Variants in TTC5 observed in about 807,000 individuals in gnomAD.
The protein encoded by TTC5 is tetratricopeptide repeat domain 5, also known as tetratricopeptide repeat protein 5.
A neutral mutation model predicts 57.4 loss-of-function variants in TTC5; 46 were observed. The ratio of observed to expected loss-of-function variants is 0.80; its 90% CI spans 0.63 to 1.03. The LOEUF is 1.03. Ranked by LOEUF, TTC5 falls within the 50% of genes least tolerant of loss-of-function variation. TTC5 has a pLI of 0.00. For missense variants in TTC5, 504 were observed against 528.1 expected (o/e 0.95, Z 0.45); for synonymous variants, 190 against 203.5 (o/e 0.93, Z 0.57).
chr14:20,296,509 A>G, intron 5 of TTC5, 63 bp from the exon 6 acceptor site: 2 of 1,250,434 alleles, frequency 1.6e-6, no homozygotes. Flanking sequence ...GACATGCCCA[A>G]CATGTCCTAC....
chr14:20,305,536 A>G (rs1198590614), intron 1 of TTC5: 1 of 293,086 alleles, frequency 3.4e-6, no homozygotes, highest in Non-Finnish European at 6.4e-6. Flanking sequence ...TGTAGGGATC[A>G]AAACAACATG....
At position 20,287,421 on chromosome 14, in the gene TTC5, A is replaced by G. The variant is rs955650320; in HGVS notation, c.*2206T>C. On this transcript the variant is annotated 3_prime_UTR_variant, in exon 10 of 10. Coordinates refer to ENST00000258821, the MANE Select transcript of TTC5 (RefSeq NM_138376.3). ...GTAGTGCTTTGGTAGTAAAAAAAGA[A>G]AAACTGGAAACCCAAATATCCTTTA... is the stretch of plus-strand genomic sequence containing the variant. 6.6e-6 allele frequency: 1 copy of G among 152,242 alleles called. No homozygotes were observed. The highest frequency in any genetic ancestry group is 1.5e-5 in the Non-Finnish European group (1 of 68,042). 9.4% of individuals were successfully genotyped at this position (152,242 alleles called of 1,614,324 possible).
chr14:20,296,521 C>A (rs750549649), intron 5 of TTC5, 75 bp from the exon 6 acceptor site: 14 of 1,143,746 alleles, frequency 1.2e-5, no homozygotes, highest in Non-Finnish European at 1.9e-5. Context: ...ATGTCCTACG[C>A]CTCCTCTTTC....
rs568606467 is a variant in TTC5 at position 20,289,414 on chromosome 14, T to G, written c.*213A>C. ...AGAGCAGTGGAAGAGACAGGAGAGA[T>G]ATGCCAGAAGAGTATGTGGCCCTGT... On this transcript the variant is annotated 3_prime_UTR_variant, in exon 10 of 10. Transcript: ENST00000258821. The G allele has an allele frequency of 3.0e-4, 128 of 429,712 alleles. No homozygotes were observed. Among genetic ancestry groups the G allele is most frequent in the African/African-American group, 2.0e-3 (101 of 51,226 alleles). The allele number at this position is 429,712 out of a possible 1,614,324, so 26.6% of individuals were successfully genotyped here.
In TTC5 at chr14:20,298,825, T is replaced by C; in HGVS notation, c.611A>G (p.Gln204Arg). ...TTGGGCATAGGCACTGAGGGCTTGC[T>C]GGGAGATCTTAGGGTTCTGGCCAGT... is the stretch of plus-strand genomic sequence containing the variant. Reference protein sequence around the residue: ...FSTGQNPKISQQALSAYAQAE... With the variant: ...FSTGQNPKISRQALSAYAQAE... The change falls in exon 5 of 10, where the codon CAG (glutamine) becomes CGG (arginine). Residue 204 changes from glutamine to arginine, a missense_variant. Coordinates refer to ENST00000258821, the MANE Select transcript of TTC5 (RefSeq NM_138376.3). 2 of 1,614,024 alleles carry C rather than the reference T, an allele frequency of 1.2e-6. No individual in the cohort carries two copies. The highest frequency in any genetic ancestry group is 1.7e-6 in the Non-Finnish European group (2 of 1,179,870).
At chr14:20,300,867 C>T (rs753802597) in intron 2 of TTC5, 49 bp from the exon 3 acceptor site, 5 of 1,452,810 alleles carry the variant, frequency 3.4e-6, no homozygotes, top group Non-Finnish European at 4.7e-6. Flanking sequence ...AGTTAAAGAC[C>T]AGGGCACTTT....
rs370388161 is a variant in TTC5, at chr14:20,301,944, A to C, written c.73T>G (p.Ser25Ala). 5 of 1,613,998 alleles carry C rather than the reference A, an allele frequency of 3.1e-6. No individual in the cohort carries two copies. Among genetic ancestry groups the C allele is most frequent in the Non-Finnish European group, 4.2e-6 (5 of 1,180,014 alleles). The change falls in exon 2 of 10, where the codon TCA (serine) becomes GCA (alanine). Residue 25 changes from serine to alanine, a missense_variant. Ser to Ala is a moderately conservative substitution (Grantham distance 99). Transcript: ENST00000258821. ...GTCTCGAAATAGCAGTCTCGAAATG[A>C]GTAGAGCTGATCCACGAGTTCCTAA... ...KLQELVDQLYSFRDCYFETHS... is the reference protein window; with the variant it reads ...KLQELVDQLYAFRDCYFETHS...
rs1265328049 is a variant in TTC5, at chr14:20,286,794, G to A, written c.*2833C>T. ...TGTATGTAGACAAACGATTAGTACA[G>A]GGAATATATAAATCAATTTGACATC... is the stretch of plus-strand genomic sequence containing the variant. On this transcript the variant is annotated 3_prime_UTR_variant, in exon 10 of 10. Transcript: ENST00000258821. 6.6e-6 allele frequency: 1 copy of A among 151,322 alleles called. No homozygotes were observed. The highest frequency in any genetic ancestry group is 2.4e-5 in the African/African-American group (1 of 41,202). The allele number at this position is 151,322 out of a possible 1,614,324, so 9.4% of individuals were successfully genotyped here. A position where few individuals can be genotyped will look rare whatever the true frequency, so the allele number is the denominator to read the frequency against.
chr14:20,300,374 C>T (rs1342522356), intron 3 of TTC5: 2 of 499,628 alleles, frequency 4.0e-6, no homozygotes, highest in Non-Finnish European at 7.0e-6. Flanking sequence ...TAGCTGCTAG[C>T]TTTTCTTCAC....
Position 20,289,452 on chromosome 14 carries a change from C to T in TTC5, c.*175G>A. 1.6e-6 allele frequency: 1 copy of T among 640,268 alleles called. No homozygotes were observed. Among genetic ancestry groups the T allele is most frequent in the Non-Finnish European group, 2.4e-6 (1 of 410,580 alleles). 39.7% of individuals were successfully genotyped at this position (640,268 alleles called of 1,614,324 possible). On this transcript the variant is annotated 3_prime_UTR_variant, in exon 10 of 10. Coordinates refer to ENST00000258821, the MANE Select transcript of TTC5 (RefSeq NM_138376.3). ...TATGTGGCCCTGTAGAGAGCTGGAACATGATGAGGACAGAGGAGAGAGAAG... is the reference window on the plus strand; with the variant it reads ...TATGTGGCCCTGTAGAGAGCTGGAATATGATGAGGACAGAGGAGAGAGAAG...
Position 20,300,625 on chromosome 14 carries a change from G to A in TTC5, c.378C>T (p.Phe126=), listed in dbSNP as rs752620250. 7 of 1,612,618 alleles carry A rather than the reference G, an allele frequency of 4.3e-6. No individual in the cohort carries two copies. The East Asian group carries it at 6.7e-5, about 15-fold the overall frequency. The stretch of plus-strand genomic sequence containing the variant: ...AGCTCACATGGGTGAGGGCTCCTGA[G>A]AAGCAGGTGTGGGCAGCTGCAACAT... ...KGDVAAAHTC[F]SGALTHCRNK... is the part of the protein sequence containing the mutation. Residue 126 remains phenylalanine (F), a synonymous_variant, in exon 3 of 10, where the codon TTC becomes TTT. Transcript: ENST00000258821.
chr14:20,299,164 C>T (rs376725196), intron 4 of TTC5, 134 bp downstream of exon 4: 22 of 978,040 alleles, frequency 2.2e-5, no homozygotes, highest in Admixed American at 1.4e-4. Context: ...AAATGTCTTT[C>T]GTGTGTCTTC....
rs1057605 is a variant in TTC5 at position 20,287,128 on chromosome 14, C to T, written c.*2499G>A. The T allele has an allele frequency of 6.6e-6, 1 of 151,944 alleles. No homozygotes were observed. The highest frequency in any genetic ancestry group is 1.9e-4 in the East Asian group (1 of 5,174). The allele number at this position is 151,944 out of a possible 1,614,324, so 9.4% of individuals were successfully genotyped here. A position where few individuals can be genotyped will look rare whatever the true frequency, so the allele number is the denominator to read the frequency against. On this transcript the variant is annotated 3_prime_UTR_variant, in exon 10 of 10. Transcript: ENST00000258821. ...GTATATACTCTATGATCCAGCAATTCCATTCTATGTCAATACTCTTAAACA... is the reference window on the plus strand; with the variant it reads ...GTATATACTCTATGATCCAGCAATTTCATTCTATGTCAATACTCTTAAACA...
chr14:20,301,046 T>C (rs563072213), intron 2 of TTC5, among the ~76,000 whole-genome samples: 11 of 152,216 alleles, frequency 7.2e-5, no homozygotes, highest in African/African-American at 2.4e-4. Context: ...CTTGGGCCCC[T>C]ATCTACAAGG....
rs1362422783 is a variant in TTC5 at position 20,301,965 on chromosome 14, C to T, written c.52G>A (p.Glu18Lys). The change falls in exon 2 of 10, where the codon GAA becomes AAA. Residue 18 changes from glutamate to lysine, a missense_variant and splice_region_variant. Glu to Lys is a moderately conservative substitution (Grantham distance 56). Transcript: ENST00000258821. ...EVKPILQKLQELVDQLYSFRD... is the reference protein window; with the variant it reads ...EVKPILQKLQKLVDQLYSFRD... ...AATGAGTAGAGCTGATCCACGAGTT[C>T]CTAAAAAGTATGACAATGGAACCAT... is the stretch of plus-strand genomic sequence containing the variant. The T allele has an allele frequency of 6.2e-7, 1 of 1,613,870 alleles. No homozygotes were observed. The highest frequency in any genetic ancestry group is 1.3e-5 in the African/African-American group (1 of 75,034).
chr14:20,301,074 C>A (rs1340255218), intron 2 of TTC5, among the ~76,000 whole-genome samples: 3 of 152,192 alleles, frequency 2.0e-5, no homozygotes, highest in Non-Finnish European at 4.4e-5. Context: ...CGGTTGCTAA[C>A]TTTCCTAGAG....
Position 20,300,590 on chromosome 14 carries a change from G to A in TTC5, c.396+17C>T, listed in dbSNP as rs373919496. The A allele has an allele frequency of 2.4e-5, 39 of 1,601,932 alleles. No homozygotes were observed. Among genetic ancestry groups the A allele is most frequent in the Non-Finnish European group, 4.2e-6 (5 of 1,176,682 alleles). On this transcript the variant is annotated intron_variant, in intron 3 of 9. Coordinates refer to ENST00000258821, the MANE Select transcript of TTC5 (RefSeq NM_138376.3). Reference sequence around the variant, plus strand: ...CCTTCCCATCTCTGCTTTCCAAAGGGATAGGGGGCAGCTCACATGGGTGAG... The same window carrying A: ...CCTTCCCATCTCTGCTTTCCAAAGGAATAGGGGGCAGCTCACATGGGTGAG...
chr14:20,296,267 AT>A, intron 6 of TTC5, 122 bp downstream of exon 6: 1 of 803,118 alleles, frequency 1.2e-6, no homozygotes, highest in Non-Finnish European at 2.1e-6. Context: ...TAGAAATAGC[AT>A]GGCTTTCCTC....
rs1882050281 is a variant in TTC5, at chr14:20,295,789, G to A, written c.762C>T (p.Asp254=). ...GTTGCCGGGGCTCTGGCCAGGCAGGGTCCAGGGCTGCAGCCCGAGAGAAGC... is the reference window on the plus strand; with the variant it reads ...GTTGCCGGGGCTCTGGCCAGGCAGGATCCAGGGCTGCAGCCCGAGAGAAGC... ...LEGFSRAAAL[D]PAWPEPRQRE... is the part of the protein sequence containing the mutation. The change falls in exon 7 of 10, where the codon GAC becomes GAT. Residue 254 remains aspartate (D), a synonymous_variant. Coordinates refer to ENST00000258821, the MANE Select transcript of TTC5 (RefSeq NM_138376.3). The A allele has an allele frequency of 1.2e-6, 2 of 1,612,704 alleles. No homozygotes were observed. The highest frequency in any genetic ancestry group is 1.1e-5 in the South Asian group (1 of 90,896).
Sources: allele counts gnomAD v4.1 joint callset (sites outside exome capture counted in the v4.1 genomes callset), GRCh38; gene constraint gnomAD v4.1.1; transcripts MANE v1.5; gene names NCBI Gene and HGNC (gene_info 2026-07-23, HGNC 2026-07-21).